PTPRT: variants seen among roughly 807,000 people sequenced by gnomAD.
PTPRT encodes the protein protein tyrosine phosphatase receptor type T.
Under a neutral mutation model 176.8 loss-of-function variants are expected in PTPRT, and 56 were observed. The ratio of observed to expected loss-of-function variants is 0.32; its 90% CI spans 0.26 to 0.40. The LOEUF is 0.40. Ranked by LOEUF, PTPRT falls within the 10% of genes least tolerant of loss-of-function variation. The probability of loss-of-function intolerance (pLI) is 1.00; values close to 1 mark genes in which losing one functional copy is unlikely to be tolerated. For synonymous variants in PTPRT, 783 were observed against 739.0 expected (o/e 1.06, Z -0.96); for missense variants, 1,540 against 1,908.2 (o/e 0.81, Z 3.60).
chr20:42,411,806 A>T (rs929768542), intron 9 of PTPRT, among the ~76,000 whole-genome samples: 1 of 151,570 alleles, frequency 6.6e-6, no homozygotes, highest in Non-Finnish European at 1.5e-5. Flanking sequence ...AGAAAAATCC[A>T]TATGAAAACA....
In PTPRT at chr20:42,082,810, G is replaced by A. The variant is rs148925011; in HGVS notation, c.4137-793C>T. ...TATGCCTGATTCAGAACTCCTGGGC[G>A]TGTTGCCAAGAGCAACTAATGATTT... On this transcript the variant is annotated intron_variant, in intron 29 of 30. Coordinates refer to ENST00000373187, the MANE Select transcript of PTPRT (RefSeq NM_007050.6). 1.6e-3 allele frequency among the ~76,000 whole-genome samples: 241 copies of A among 152,284 alleles called. 1 individual carries two copies. Among genetic ancestry groups the A allele is most frequent in the Admixed American group, 2.5e-3 (38 of 15,296 alleles).
chr20:42,444,724 A>G (rs573021773), intron 9 of PTPRT, among the ~76,000 whole-genome samples: 177 of 152,222 alleles, frequency 1.2e-3, no homozygotes, highest in African/African-American at 4.0e-3. Context: ...AAAATATTCT[A>G]TTTTGAGGCC....
intron 6 of PTPRT, among the ~76,000 whole-genome samples, chr20:42,720,539 C>G (rs373129895): frequency 1.3e-5 from 2 of 152,134 alleles, no homozygotes; most frequent in African/African-American, 4.8e-5. Flanking sequence ...AAAAAACTGA[C>G]GAATGTTCCA....
chr20:42,132,010 C>A (rs879346940), intron 18 of PTPRT, among the ~76,000 whole-genome samples: 1 of 152,038 alleles, frequency 6.6e-6, no homozygotes, highest in Non-Finnish European at 1.5e-5. Flanking sequence ...GAGGCAGCAG[C>A]GGGGGTTTCA....
intron 14 of PTPRT, among the ~76,000 whole-genome samples, chr20:42,240,586 T>C (rs970604692): frequency 1.3e-5 from 2 of 152,168 alleles, no homozygotes; most frequent in Non-Finnish European, 2.9e-5. Context: ...CAAAGTTGTC[T>C]ATCTAACGAC....
At chr20:42,614,397 C>T (rs1364106081) in intron 7 of PTPRT, among the ~76,000 whole-genome samples, 2 of 152,142 alleles carry the variant, frequency 1.3e-5, no homozygotes, top group African/African-American at 4.8e-5. Context: ...TAATTCAGGT[C>T]CATAGTACCT....
chr20:42,846,691 C>T (rs958422270), intron 2 of PTPRT, among the ~76,000 whole-genome samples: 4 of 152,176 alleles, frequency 2.6e-5, no homozygotes, highest in Non-Finnish European at 5.9e-5. Flanking sequence ...GGGTTCTCTT[C>T]GCTGCCCCTC....
chr20:42,707,982 A>G (rs969473670), intron 6 of PTPRT, among the ~76,000 whole-genome samples: 2 of 152,204 alleles, frequency 1.3e-5, no homozygotes, highest in African/African-American at 4.8e-5. Context: ...GTAATTTCTT[A>G]TGCAAAAATA....
intron 1 of PTPRT, among the ~76,000 whole-genome samples, chr20:42,989,666 G>T (rs1983782493): frequency 6.6e-6 from 1 of 152,300 alleles, no homozygotes; most frequent in Non-Finnish European, 1.5e-5. Context: ...CCAAACACTT[G>T]ATTCCATTTC....
At chr20:42,849,195 T>C (rs2078429243) in intron 2 of PTPRT, among the ~76,000 whole-genome samples, 1 of 152,260 alleles carries the variant, frequency 6.6e-6, no homozygotes, top group Middle Eastern at 3.4e-3. Context: ...CCAGTACCCA[T>C]GCTGAGGAAA....
chr20:42,078,644 C>T lies in PTPRT; in HGVS notation c.*2235G>A, dbSNP rs528006879. 2 of 180,146 alleles carry T rather than the reference C, an allele frequency of 1.1e-5. No homozygotes were observed. The highest frequency in any genetic ancestry group is 9.1e-5 in the East Asian group (1 of 10,946). The allele number at this position is 180,146 out of a possible 1,614,324, so 11.2% of individuals were successfully genotyped here. Reference sequence around the variant, plus strand: ...TTGCCAATAGGACAAAGTCTGTACTCGCGATGGGCATCTGTCTCCTGGACC... The same window carrying T: ...TTGCCAATAGGACAAAGTCTGTACTTGCGATGGGCATCTGTCTCCTGGACC... On this transcript the variant is annotated 3_prime_UTR_variant, in exon 31 of 31. Transcript: ENST00000373187.
intron 9 of PTPRT, among the ~76,000 whole-genome samples, chr20:42,428,358 A>G (rs2059185384): frequency 1.3e-5 from 2 of 152,216 alleles, no homozygotes; most frequent in Non-Finnish European, 2.9e-5. Flanking sequence ...AATAATTATT[A>G]ATTTGAAAGT....
chr20:42,731,239 C>T (rs1274887363), intron 6 of PTPRT, among the ~76,000 whole-genome samples: 2 of 152,222 alleles, frequency 1.3e-5, no homozygotes, highest in Non-Finnish European at 1.5e-5. Context: ...AGACGTTCAG[C>T]GCAGTCTAAT....
intron 12 of PTPRT, among the ~76,000 whole-genome samples, chr20:42,287,042 T>C (rs1205479042): frequency 6.6e-6 from 1 of 151,952 alleles, no homozygotes; most frequent in Non-Finnish European, 1.5e-5. Flanking sequence ...TACAATGAGG[T>C]ATCATCTCAC....
At chr20:42,633,818 T>TATATATATATATATATATATAA (rs1491342115) in intron 7 of PTPRT, among the ~76,000 whole-genome samples, 26 of 57,712 alleles carry the variant, frequency 4.5e-4, no homozygotes, top group African/African-American at 2.0e-3. Context: ...TATATATATA[T>TATATATATATATATATATATAA]AATAAAATAT....
chr20:42,768,163 G>T (rs983567370), intron 5 of PTPRT, among the ~76,000 whole-genome samples: 1 of 152,042 alleles, frequency 6.6e-6, no homozygotes, highest in Non-Finnish European at 1.5e-5. Flanking sequence ...TTTCTGAAAT[G>T]CAGATGAGAC....
Position 42,221,057 on chromosome 20 carries a change from G to A in PTPRT, c.2342+15172C>T, listed in dbSNP as rs2055875015. Among the ~76,000 whole-genome samples the A allele has an allele frequency of 1.3e-5, 2 of 152,190 alleles. 1 individual carries two copies. Among genetic ancestry groups the A allele is most frequent in the South Asian group, 4.1e-4 (2 of 4,830 alleles). ...CTCTGTCTCCCAGGCTATGAGTACA[G>A]TGGTGCGATCTTGGCTCACTGCAAC... On this transcript the variant is annotated intron_variant, in intron 15 of 30. Transcript: ENST00000373187.
chr20:42,798,793 A>G (rs2077488737), intron 2 of PTPRT, among the ~76,000 whole-genome samples: 1 of 152,118 alleles, frequency 6.6e-6, no homozygotes, highest in Non-Finnish European at 1.5e-5. Context: ...TGTTAAGGCA[A>G]TTTTTGAAGA....
At chr20:42,919,277 G>C (rs1600556638) in intron 1 of PTPRT, among the ~76,000 whole-genome samples, 1 of 152,214 alleles carries the variant, frequency 6.6e-6, no homozygotes, top group Non-Finnish European at 1.5e-5. Flanking sequence ...CTGGGGGAGA[G>C]CTAGATGGAC....
Sources: gnomAD v4.1 joint callset for allele counts (sites outside exome capture counted in the v4.1 genomes callset) on GRCh38, gnomAD v4.1.1 for gene constraint, MANE v1.5 for transcripts, NCBI Gene and HGNC (gene_info 2026-07-23, HGNC 2026-07-21) for gene names.